JPH1: variants seen among roughly 807,000 people sequenced by gnomAD.
The protein encoded by JPH1 is junctophilin-1.
Under a neutral mutation model 53.6 loss-of-function variants are expected in JPH1, and 12 were observed. The observed-to-expected ratio is 0.22, with a 90% CI of 0.14 to 0.36. JPH1 has a LOEUF of 0.36. JPH1 is among the 10% of genes least tolerant of loss of function. The pLI, the probability that JPH1 is intolerant of heterozygous loss-of-function variation, is 1.00. For synonymous variants in JPH1, 375 were observed against 363.8 expected (o/e 1.03, Z -0.35); for missense variants, 808 against 905.5 (o/e 0.89, Z 1.38).
At chr8:74,314,712 T>A in intron 2 of JPH1, 149 bp downstream of exon 2, 1 of 956,334 alleles carries the variant, frequency 1.0e-6, no homozygotes, top group South Asian at 1.6e-5. Flanking sequence ...CTGACTTTGA[T>A]TCTACTGAGT....
At chr8:74,318,256 G>A (rs1468032420) in intron 1 of JPH1, among the ~76,000 whole-genome samples, 1 of 152,094 alleles carries the variant, frequency 6.6e-6, no homozygotes, top group East Asian at 1.9e-4. Flanking sequence ...GTTTTAAACT[G>A]TGTTCATTTG....
At chr8:74,294,454 G>C (rs986921245) in intron 2 of JPH1, among the ~76,000 whole-genome samples, 1 of 152,132 alleles carries the variant, frequency 6.6e-6, no homozygotes, top group African/African-American at 2.4e-5. Flanking sequence ...CCTGATTCAC[G>C]TACTACCAAG....
At chr8:74,274,507 C>G (rs1806793319) in intron 2 of JPH1, among the ~76,000 whole-genome samples, 1 of 152,158 alleles carries the variant, frequency 6.6e-6, no homozygotes. Context: ...TGTGGACGTT[C>G]TAAGAACATT....
At chr8:74,256,306 A>G (rs1215455847) in intron 3 of JPH1, among the ~76,000 whole-genome samples, 2 of 144,104 alleles carry the variant, frequency 1.4e-5, no homozygotes, top group African/African-American at 5.2e-5. Context: ...AAAACCAAAC[A>G]CCGCATGTTC....
intron 3 of JPH1, among the ~76,000 whole-genome samples, chr8:74,249,408 G>T (rs956870572): frequency 5.3e-5 from 8 of 152,158 alleles, no homozygotes; most frequent in Non-Finnish European, 1.0e-4. Flanking sequence ...AATATAGAAA[G>T]AACACTCCTT....
At chr8:74,290,694 C>G (rs771668354) in intron 2 of JPH1, among the ~76,000 whole-genome samples, 1 of 152,158 alleles carries the variant, frequency 6.6e-6, no homozygotes. Flanking sequence ...ACCAAAAGAA[C>G]AAAGCTGGAG....
At chr8:74,263,084 C>T (rs1262997048) in intron 2 of JPH1, among the ~76,000 whole-genome samples, 1 of 152,146 alleles carries the variant, frequency 6.6e-6, no homozygotes, top group African/African-American at 2.4e-5. Flanking sequence ...CTCAATCATA[C>T]ATGGAACATG....
intron 3 of JPH1, among the ~76,000 whole-genome samples, chr8:74,257,451 C>T (rs986577861): frequency 3.3e-5 from 5 of 152,124 alleles, no homozygotes; most frequent in African/African-American, 1.2e-4. Context: ...ATTAACAGAA[C>T]CAAGAAATTA....
chr8:74,306,022 G>T (rs115444193), intron 2 of JPH1, among the ~76,000 whole-genome samples: 8,533 of 152,006 alleles, frequency 0.056, 802 homozygotes, highest in African/African-American at 0.19. Flanking sequence ...GTTTTGTTTT[G>T]TTTTAAAGAA....
intron 2 of JPH1, among the ~76,000 whole-genome samples, chr8:74,314,439 CTAAG>C (rs10549367): frequency 0.022 from 3,290 of 152,248 alleles, 114 homozygotes; most frequent in African/African-American, 0.075. Context: ...CACATCTATA[CTAAG>C]TATGTTTCTA....
rs529660990 is a variant in JPH1, at chr8:74,297,289, C to G, written c.1139+17572G>C. 4.9e-4 allele frequency among the ~76,000 whole-genome samples: 75 copies of G among 152,332 alleles called. No homozygotes were observed. In the South Asian group the frequency reaches 0.015, roughly 31 times the overall value. The stretch of plus-strand genomic sequence containing the variant: ...ACTTGCCATCACCAAAGATTTGCAG[C>G]TGGACTGCACTCCCGACCAGCTTTG... On this transcript the variant is annotated intron_variant, in intron 2 of 5. Coordinates refer to ENST00000342232, the MANE Select transcript of JPH1 (RefSeq NM_020647.4).
intron 2 of JPH1, among the ~76,000 whole-genome samples, chr8:74,304,724 A>C (rs576799264): frequency 6.6e-6 from 1 of 152,354 alleles, no homozygotes; most frequent in African/African-American, 2.4e-5. Flanking sequence ...AAAGTCACCA[A>C]AATTTTTACC....
chr8:74,295,230 G>A (rs916472926), intron 2 of JPH1, among the ~76,000 whole-genome samples: 6 of 152,168 alleles, frequency 3.9e-5, no homozygotes, highest in African/African-American at 1.4e-4. Context: ...GTTCCTCTAA[G>A]TGATTAGGGA....
At position 74,295,359 on chromosome 8, in the gene JPH1, T is replaced by C. The variant is rs145315453; in HGVS notation, c.1139+19502A>G. Among the ~76,000 whole-genome samples, 23 of 152,264 alleles carry C rather than the reference T, an allele frequency of 1.5e-4. No individual in the cohort carries two copies. The East Asian group carries it at 4.1e-3, about 27-fold the overall frequency. On this transcript the variant is annotated intron_variant, in intron 2 of 5. Coordinates refer to ENST00000342232, the MANE Select transcript of JPH1 (RefSeq NM_020647.4). The stretch of plus-strand genomic sequence containing the variant: ...GTTCTTTGCTATATCACAGCTCTCA[T>C]CACCTCATATATTATACGCTGGCTT...
intron 2 of JPH1, among the ~76,000 whole-genome samples, chr8:74,292,025 G>A (rs867391300): frequency 5.9e-5 from 9 of 152,146 alleles, no homozygotes; most frequent in African/African-American, 1.9e-4. Context: ...AGGGCCTGTC[G>A]TGGGGTGGGG....
intron 4 of JPH1, among the ~76,000 whole-genome samples, 199 bp downstream of exon 4, chr8:74,244,330 G>A (rs1333709697): frequency 2.0e-5 from 3 of 152,138 alleles, no homozygotes; most frequent in Non-Finnish European, 2.9e-5. Flanking sequence ...GGTGAACATA[G>A]GGGTGGTGGG....
chr8:74,247,395 G>C (rs531011672), intron 3 of JPH1, among the ~76,000 whole-genome samples: 1 of 152,060 alleles, frequency 6.6e-6, no homozygotes, highest in Non-Finnish European at 1.5e-5. Context: ...TGGAGCCAAC[G>C]GACTTTTAAT....
intron 4 of JPH1, among the ~76,000 whole-genome samples, chr8:74,238,862 T>C (rs1264717719): frequency 6.6e-6 from 1 of 152,234 alleles, no homozygotes; most frequent in Non-Finnish European, 1.5e-5. Context: ...CTCACTATGT[T>C]GCCCAGGCTG....
At chr8:74,291,032 A>T (rs904204233) in intron 2 of JPH1, among the ~76,000 whole-genome samples, 2 of 152,212 alleles carry the variant, frequency 1.3e-5, no homozygotes, top group Non-Finnish European at 2.9e-5. Flanking sequence ...AAAACCCTAG[A>T]AGAAAACCTA....
Sources: gnomAD v4.1 joint callset for allele counts (sites outside exome capture counted in the v4.1 genomes callset) on GRCh38, gnomAD v4.1.1 for gene constraint, MANE v1.5 for transcripts, NCBI Gene and HGNC (gene_info 2026-07-23, HGNC 2026-07-21) for gene names.